The following KLHDC4 variants were observed in gnomAD, a reference collection of about 807,000 sequenced individuals.
KLHDC4 encodes the protein kelch domain-containing protein 4.
A neutral mutation model predicts 62.4 loss-of-function variants in KLHDC4; 90 were observed. The ratio of observed to expected loss-of-function variants is 1.44; its 90% confidence interval spans 1.22 to 1.72. The LOEUF (loss-of-function observed/expected upper bound fraction) is 1.72, where lower values mean the gene tolerates loss of function less well. Among genes scored for constraint, KLHDC4 ranks in the 40% most tolerant of loss-of-function variants. The probability of loss-of-function intolerance (pLI) is 0.00; values close to 1 mark genes in which losing one functional copy is unlikely to be tolerated. For missense variants in KLHDC4, 1,025 were observed against 699.7 expected, an observed-to-expected ratio of 1.47 and a Z score of -5.25; for synonymous variants, 386 against 284.4, an observed-to-expected ratio of 1.36 and a Z score of -3.59.
At chr16:87,708,167 G>A in intron 11 of KLHDC4, 92 bp from the exon 12 acceptor site, 1 of 625,640 alleles carries the variant, frequency 1.6e-6, no homozygotes, top group Non-Finnish European at 2.9e-6. Context: ...CGGGTTTTCA[G>A]GGAAGACCTC....
chr16:87,757,092 G>A (rs1003081375), intron 2 of KLHDC4, among the ~76,000 whole-genome samples: 1 of 151,916 alleles, frequency 6.6e-6, no homozygotes, highest in Non-Finnish European at 1.5e-5. Context: ...TGGGATTACA[G>A]GTGTGAGCCA....
intron 7 of KLHDC4, among the ~76,000 whole-genome samples, chr16:87,716,803 G>A (rs1044305729): frequency 1.3e-5 from 2 of 152,174 alleles, no homozygotes; most frequent in Non-Finnish European, 2.9e-5. Context: ...ACAGTGGCAG[G>A]CGCCTGTAGT....
intron 6 of KLHDC4, among the ~76,000 whole-genome samples, chr16:87,730,187 C>G (rs1037470716): frequency 6.6e-6 from 1 of 152,218 alleles, no homozygotes; most frequent in Non-Finnish European, 1.5e-5. Context: ...CTCTTGAGCT[C>G]AAGTGATCCA....
chr16:87,760,287 C>G (rs1304238889), intron 2 of KLHDC4, among the ~76,000 whole-genome samples: 1 of 149,150 alleles, frequency 6.7e-6, no homozygotes, highest in Non-Finnish European at 1.5e-5. Flanking sequence ...CCCAGGAACT[C>G]GAGACCAGCC....
At chr16:87,756,361 C>T (rs367734118) in intron 3 of KLHDC4, 38 bp downstream of exon 3, 41 of 1,439,730 alleles carry the variant, frequency 2.8e-5, no homozygotes, top group Non-Finnish European at 3.5e-5. Context: ...ATGATACTCA[C>T]GCAACATGGG....
chr16:87,746,601 C>T (rs1415330004), intron 5 of KLHDC4, among the ~76,000 whole-genome samples: 1 of 152,172 alleles, frequency 6.6e-6, no homozygotes, highest in East Asian at 1.9e-4. Context: ...TCATCCCCCA[C>T]ACAGGTCTCC....
chr16:87,760,176 C>T (rs79347986), intron 2 of KLHDC4, among the ~76,000 whole-genome samples: 2,821 of 151,196 alleles, frequency 0.019, 90 homozygotes, highest in African/African-American at 0.065. Flanking sequence ...AAATTATATC[C>T]TGACATGAAA....
intron 2 of KLHDC4, among the ~76,000 whole-genome samples, chr16:87,758,554 C>G (rs2045360156): frequency 6.6e-6 from 1 of 152,160 alleles, no homozygotes; most frequent in African/African-American, 2.4e-5. Flanking sequence ...GGAGGGGAAA[C>G]AGGGAGCAAC....
rs2037774540 is a variant in KLHDC4, at chr16:87,719,325, A to C, written c.760-4752T>G. The stretch of plus-strand genomic sequence containing the variant: ...AGACTCCATTTTGTTCTGTACTAAG[A>C]AAAATTCTTCTGCCTTGGGATGCTG... On this transcript the variant is annotated intron_variant, in intron 7 of 11. Coordinates refer to ENST00000270583, the MANE Select transcript of KLHDC4 (RefSeq NM_017566.4). Among the ~76,000 whole-genome samples, 6 of 152,378 alleles carry C rather than the reference A, an allele frequency of 3.9e-5. No individual in the cohort carries two copies. The South Asian group carries it at 1.2e-3, about 32-fold the overall frequency.
chr16:87,700,606 G>C (rs1482836427), exon 1 of KLHDC4: 2 of 199,644 alleles, frequency 1.0e-5, no homozygotes, highest in East Asian at 2.0e-4. Context: ...AAGAGGTGGA[G>C]GGAGGAAACA....
intron 5 of KLHDC4, 59 bp from the exon 6 acceptor site, chr16:87,730,703 G>C (rs1176525642): frequency 1.4e-6 from 2 of 1,457,250 alleles, no homozygotes; most frequent in East Asian, 2.3e-5. Flanking sequence ...TTGTTCTAAA[G>C]ACGACAACAA....
chr16:87,736,612 G>C (rs1396964461), intron 5 of KLHDC4, among the ~76,000 whole-genome samples: 1 of 152,212 alleles, frequency 6.6e-6, no homozygotes, highest in Non-Finnish European at 1.5e-5. Context: ...ACAAATGATA[G>C]TGTAAAGACA....
chr16:87,743,524 G>A (rs1445982859), intron 5 of KLHDC4, among the ~76,000 whole-genome samples: 2 of 152,106 alleles, frequency 1.3e-5, no homozygotes, highest in East Asian at 1.9e-4. Flanking sequence ...TGGATCATGA[G>A]GGTCAGGAGA....
chr16:87,701,567 G>A (rs1025642275), exon 1 of KLHDC4: 13 of 405,980 alleles, frequency 3.2e-5, no homozygotes, highest in African/African-American at 1.6e-4. Context: ...ATGTGTAGCC[G>A]GGTGCTGGGC....
At chr16:87,700,840 G>A (rs1372079462) in exon 1 of KLHDC4, 10 of 241,806 alleles carry the variant, frequency 4.1e-5, no homozygotes, top group Admixed American at 2.5e-4. Context: ...GTTGGAGGGC[G>A]GAGGGAGGAG....
At chr16:87,752,105 A>AAAAAAAAAAAAAAAAAAAAACC in intron 4 of KLHDC4, among the ~76,000 whole-genome samples, 1 of 126,004 alleles carries the variant, frequency 7.9e-6, no homozygotes, top group African/African-American at 3.0e-5. Context: ...AAAAAAAAAA[A>AAAAAAAAAAAAAAAAAAAAACC]AAAAAAAAAG....
intron 5 of KLHDC4, among the ~76,000 whole-genome samples, chr16:87,744,043 C>T (rs1476092027): frequency 6.6e-6 from 1 of 152,092 alleles, no homozygotes; most frequent in Non-Finnish European, 1.5e-5. Flanking sequence ...ATTTGGGAGG[C>T]CGAGGGGGGC....
intron 5 of KLHDC4, among the ~76,000 whole-genome samples, chr16:87,738,958 AT>A (rs2041824279): frequency 3.8e-5 from 3 of 79,364 alleles, no homozygotes; most frequent in African/African-American, 5.2e-5. Flanking sequence ...CACCTCATCC[AT>A]CCACACACCA....
chr16:87,741,171 CAATG>C (rs2042183013), intron 5 of KLHDC4, among the ~76,000 whole-genome samples: 1 of 152,176 alleles, frequency 6.6e-6, no homozygotes, highest in Non-Finnish European at 1.5e-5. Flanking sequence ...ATGGAGAAGA[CAATG>C]AGAGACTGTT....
Sources: gnomAD v4.1 joint callset for allele counts (sites outside exome capture counted in the v4.1 genomes callset) on GRCh38, gnomAD v4.1.1 for gene constraint, MANE v1.5 for transcripts, NCBI Gene and HGNC (gene_info 2026-07-23, HGNC 2026-07-21) for gene names.